The following NMT1 variants were observed in gnomAD, a reference collection of about 807,000 sequenced individuals.
NMT1 encodes the protein glycylpeptide N-tetradecanoyltransferase 1.
A neutral mutation model predicts 63.4 loss-of-function variants in NMT1; 12 were observed. The observed-to-expected ratio is 0.19, with a 90% CI of 0.12 to 0.31. The LOEUF is 0.31. Among genes scored for constraint, NMT1 ranks in the 10% least tolerant of loss-of-function variants. The pLI, the probability that NMT1 is intolerant of heterozygous loss-of-function variation, is 1.00. For missense variants in NMT1, 432 were observed against 634.6 expected (o/e 0.68, Z 3.43); for synonymous variants, 228 against 234.3 (o/e 0.97, Z 0.25).
At position 45,104,932 on chromosome 17, in the gene NMT1, TA is replaced by T. The variant is rs1459236506; in HGVS notation, c.1407del (p.Ile469MetfsTer79). 6.2e-7 allele frequency: 1 copy of T among 1,614,130 alleles called. No individual in the cohort carries two copies. On this transcript the variant is annotated frameshift_variant, in exon 11 of 12. Transcript: ENST00000258960. LOFTEE classifies it high-confidence loss of function. This position sits in a 1 kb window ranked among gnomAD's most constrained non-coding sequence, Gnocchi z 4.2. Reference protein sequence around the residue: ...KTFLEKLKFGIGDGNLQYYLY... With the variant: ...KTFLEKLKFGXGDGNLQYYLY... ...TTCCTGGAGAAGCTCAAGTTTGGCA[TA>T]GGGGACGGCAACCTGCAGTATTACC...
chr17:45,103,561 C>T lies in NMT1; in HGVS notation c.1165-148C>T. ...TCAAGTGCCCTGAGCCAATGTCCCT[C>T]CTCCTCCCCACATGTCCTGTTGCAG... On this transcript the variant is annotated intron_variant, in intron 9 of 11. Coordinates refer to ENST00000258960, the MANE Select transcript of NMT1 (RefSeq NM_021079.5). The surrounding 1 kb of genome is among the most constrained non-coding windows in gnomAD (Gnocchi z 4.8). 2 of 821,012 alleles carry T rather than the reference C, an allele frequency of 2.4e-6. No individual in the cohort carries two copies. The highest frequency in any genetic ancestry group is 1.7e-5 in the African/African-American group (1 of 58,668). 50.9% of individuals were successfully genotyped at this position (821,012 alleles called of 1,614,324 possible). A position where few individuals can be genotyped will look rare whatever the true frequency, so the allele number is the denominator to read the frequency against.
At chr17:45,080,117 A>G (rs1443273865) in intron 1 of NMT1, among the ~76,000 whole-genome samples, 2 of 150,972 alleles carry the variant, frequency 1.3e-5, no homozygotes, top group Non-Finnish European at 2.9e-5. Context: ...GCTTGCCGAC[A>G]GTTGTCCTCA....
At chr17:45,102,791 T>C (rs746917338) in intron 8 of NMT1, among the ~76,000 whole-genome samples, 160 bp from the exon 9 acceptor site, 13 of 152,158 alleles carry the variant, frequency 8.5e-5, no homozygotes, top group Non-Finnish European at 1.5e-4. Context: ...GGCCAGAAGA[T>C]ACGGAAGAGG....
chr17:45,079,348 T>C (rs6503421), intron 1 of NMT1, among the ~76,000 whole-genome samples: 88,631 of 151,932 alleles, frequency 0.58, 26,450 homozygotes, highest in African/African-American at 0.65. Context: ...ATGATCTGTC[T>C]GCCGCGGCTT....
chr17:45,068,767 C>T (rs1460956364), intron 1 of NMT1, among the ~76,000 whole-genome samples: 3 of 151,736 alleles, frequency 2.0e-5, no homozygotes, highest in Non-Finnish European at 4.4e-5. Context: ...GTGTCTTAAC[C>T]TCCCAAATAG....
intron 1 of NMT1, among the ~76,000 whole-genome samples, chr17:45,080,061 A>G (rs1302089520): frequency 1.3e-5 from 2 of 152,112 alleles, no homozygotes; most frequent in Admixed American, 6.6e-5. Flanking sequence ...TTAGTTTCCC[A>G]AGATTCCTAA....
At chr17:45,097,943 C>T (rs909232722) in intron 6 of NMT1, among the ~76,000 whole-genome samples, 5 of 152,168 alleles carry the variant, frequency 3.3e-5, no homozygotes, top group Admixed American at 2.6e-4. Flanking sequence ...TCTTCATTTT[C>T]CCTGGAAGTG....
chr17:45,080,842 C>T (rs2054013049), intron 1 of NMT1, among the ~76,000 whole-genome samples: 1 of 152,084 alleles, frequency 6.6e-6, no homozygotes, highest in African/African-American at 2.4e-5. Context: ...TCTCAACTCA[C>T]TGCAACCTCC....
At chr17:45,099,304 G>A in intron 7 of NMT1, 101 bp from the exon 8 acceptor site, 1 of 798,480 alleles carries the variant, frequency 1.3e-6, no homozygotes, top group Non-Finnish European at 2.2e-6. Flanking sequence ...CACCTGATGT[G>A]TCTCTCACGC....
chr17:45,094,146 C>T (rs965967406), intron 4 of NMT1, among the ~76,000 whole-genome samples: 4 of 152,092 alleles, frequency 2.6e-5, no homozygotes, highest in Admixed American at 6.6e-5. Flanking sequence ...CTTTCCACCC[C>T]GGCCACCCAG....
At chr17:45,061,541 T>C (rs2053858258) in intron 1 of NMT1, 81 bp downstream of exon 1, 1 of 1,295,820 alleles carries the variant, frequency 7.7e-7, no homozygotes, top group Non-Finnish European at 1.1e-6. Context: ...CACCGGGAGC[T>C]TAGTCTAGCC....
Position 45,097,155 on chromosome 17 carries a change from C to T in NMT1, c.624C>T (p.Pro208=). The part of the protein sequence containing the change: ...LWALRPPGWL[P]QWHCGVRVVS... Reference sequence around the variant, plus strand: ...CTCTCCGGCCACCCGGCTGGCTCCCCCAGTGGCACTGTGGGGTTCGAGTGG... The same window carrying T: ...CTCTCCGGCCACCCGGCTGGCTCCCTCAGTGGCACTGTGGGGTTCGAGTGG... Residue 208 remains proline, a synonymous_variant, in exon 6 of 12, where the codon CCC becomes CCT. Coordinates refer to ENST00000258960, the MANE Select transcript of NMT1 (RefSeq NM_021079.5). 1 of 1,614,202 alleles carries T rather than the reference C, an allele frequency of 6.2e-7. No homozygotes were observed. The highest frequency in any genetic ancestry group is 8.5e-7 in the Non-Finnish European group (1 of 1,180,022).
At chr17:45,073,945 G>A (rs557369321) in intron 1 of NMT1, among the ~76,000 whole-genome samples, 1 of 152,244 alleles carries the variant, frequency 6.6e-6, no homozygotes, top group African/African-American at 2.4e-5. Context: ...GCAGTTTTGA[G>A]CGGATTGCAT....
intron 1 of NMT1, among the ~76,000 whole-genome samples, chr17:45,075,355 G>A (rs2053970667): frequency 6.6e-6 from 1 of 151,396 alleles, no homozygotes; most frequent in Non-Finnish European, 1.5e-5. Context: ...CTGATGCTGG[G>A]CGCCTGTAAT....
In NMT1 at chr17:45,081,677, A is replaced by G; in HGVS notation, c.165A>G (p.Lys55=). Residue 55 remains lysine, a synonymous_variant, in exon 2 of 12, where the codon AAA becomes AAG. Transcript: ENST00000258960. ...GLSPANDTGA[K]KKKKKQKKKK... is the part of the protein sequence containing the mutation. ...GTCCAGCCAATGACACTGGAGCCAA[A>G]AAGAAGAAAAAGAAACAAAAAAAGA... The G allele has an allele frequency of 6.2e-7, 1 of 1,613,886 alleles. No homozygotes were observed. Among genetic ancestry groups the G allele is most frequent in the Non-Finnish European group, 8.5e-7 (1 of 1,179,838 alleles).
intron 1 of NMT1, among the ~76,000 whole-genome samples, chr17:45,075,632 T>C (rs2053972629): frequency 6.6e-6 from 1 of 150,746 alleles, no homozygotes; most frequent in Admixed American, 6.6e-5. Flanking sequence ...GTATGAAAAA[T>C]TAGCCAGGCA....
intron 3 of NMT1, among the ~76,000 whole-genome samples, chr17:45,089,151 C>T (rs1175323481): frequency 6.6e-6 from 1 of 152,224 alleles, no homozygotes; most frequent in Non-Finnish European, 1.5e-5. Context: ...AGGCGTCACC[C>T]TAGTTCTGAG....
chr17:45,078,218 G>A (rs962548635), intron 1 of NMT1, among the ~76,000 whole-genome samples: 3 of 152,158 alleles, frequency 2.0e-5, no homozygotes, highest in Non-Finnish European at 2.9e-5. Flanking sequence ...TTAAGAAGCC[G>A]CTGTTACTCT....
rs1244678532 is a variant in NMT1, at chr17:45,104,441, C to T, written c.1333-418C>T. ...CAGGTGTCATACAACATGAGGTGCA[C>T]TGAGGGCCTGAGAGTTGGGGCATCC... On this transcript the variant is annotated intron_variant, in intron 10 of 11. Transcript: ENST00000258960. This position sits in a 1 kb window ranked among gnomAD's most constrained non-coding sequence, Gnocchi z 4.2. 25 of 1,095,896 alleles carry T rather than the reference C, an allele frequency of 2.3e-5. No homozygotes were observed. The highest frequency in any genetic ancestry group is 1.1e-6 in the Non-Finnish European group (1 of 896,712). 67.9% of individuals were successfully genotyped at this position (1,095,896 alleles called of 1,614,324 possible).
Sources: gnomAD v4.1 joint callset for allele counts (sites outside exome capture counted in the v4.1 genomes callset) on GRCh38, gnomAD v4.1.1 for gene constraint, Gnocchi (gnomAD v3.1) non-coding constraint, MANE v1.5 for transcripts, NCBI Gene and HGNC (gene_info 2026-07-23, HGNC 2026-07-21) for gene names.